MICU1: variants seen among roughly 807,000 people sequenced by gnomAD.
MICU1 encodes calcium uptake protein 1, mitochondrial.
In MICU1, 45 loss-of-function variants were observed where a neutral mutation model predicts 56.8. That is an observed-to-expected ratio of 0.79 (90% CI 0.62 to 1.02). The LOEUF (loss-of-function observed/expected upper bound fraction) is 1.02, where lower values mean the gene tolerates loss of function less well. Among genes scored for constraint, MICU1 ranks in the 50% least tolerant of loss-of-function variants. The pLI, the probability that MICU1 is intolerant of heterozygous loss-of-function variation, is 0.00. For synonymous variants in MICU1, 186 were observed against 195.1 expected, an observed-to-expected ratio of 0.95 and a Z score of 0.39; for missense variants, 504 against 587.1, an observed-to-expected ratio of 0.86 and a Z score of 1.46.
At chr10:72,382,462 T>C (rs905755132) in intron 10 of MICU1, among the ~76,000 whole-genome samples, 1 of 152,020 alleles carries the variant, frequency 6.6e-6, no homozygotes, top group Admixed American at 6.6e-5. Context: ...TGTATGGTAG[T>C]GAGTGATGTG....
intron 11 of MICU1, among the ~76,000 whole-genome samples, chr10:72,372,934 AAAG>A (rs1299720939): frequency 1.3e-5 from 2 of 151,936 alleles, no homozygotes; most frequent in Admixed American, 6.6e-5. Flanking sequence ...AAAAAAGAAA[AAAG>A]AAAAAGAAGC....
intron 1 of MICU1, among the ~76,000 whole-genome samples, chr10:72,617,246 T>C (rs1463197942): frequency 2.0e-5 from 3 of 152,152 alleles, no homozygotes; most frequent in Non-Finnish European, 4.4e-5. Flanking sequence ...TCCAAAAATA[T>C]GGACTTTTTT....
intron 3 of MICU1, among the ~76,000 whole-genome samples, chr10:72,552,110 C>T (rs1840049238): frequency 6.6e-6 from 1 of 152,142 alleles, no homozygotes; most frequent in African/African-American, 2.4e-5. Flanking sequence ...ATCATGGAAA[C>T]TCAATTATTA....
At chr10:72,526,476 A>G (rs1867966285) in intron 5 of MICU1, among the ~76,000 whole-genome samples, 1 of 151,880 alleles carries the variant, frequency 6.6e-6, no homozygotes, top group South Asian at 2.1e-4. Context: ...TTGTATCTTT[A>G]GTAGAGTTAG....
intron 5 of MICU1, chr10:72,533,039 T>G (rs939193351): frequency 5.4e-6 from 7 of 1,289,500 alleles, no homozygotes; most frequent in South Asian, 1.2e-5. Context: ...TCCTGTTCAT[T>G]GTGCTTTGTA....
intron 1 of MICU1, among the ~76,000 whole-genome samples, chr10:72,610,752 G>C (rs1485929377): frequency 6.6e-6 from 1 of 152,182 alleles, no homozygotes; most frequent in Non-Finnish European, 1.5e-5. Context: ...ATAACAAAAG[G>C]AAAAGAGCTT....
chr10:72,561,214 A>C (rs1371585144), intron 3 of MICU1, among the ~76,000 whole-genome samples: 1 of 152,246 alleles, frequency 6.6e-6, no homozygotes, highest in African/African-American at 2.4e-5. Flanking sequence ...TTTTCTATGA[A>C]GTATGAGATA....
At chr10:72,454,086 C>T (rs931156664) in intron 8 of MICU1, among the ~76,000 whole-genome samples, 1 of 152,060 alleles carries the variant, frequency 6.6e-6, no homozygotes, top group Admixed American at 6.5e-5. Context: ...TCTGCTGCTG[C>T]TTCCCAAAGT....
intron 2 of MICU1, among the ~76,000 whole-genome samples, chr10:72,565,708 T>C (rs1436139977): frequency 6.6e-6 from 1 of 151,328 alleles, no homozygotes; most frequent in Non-Finnish European, 1.5e-5. Context: ...TGCACACCTA[T>C]AATCCCAGCT....
chr10:72,588,074 C>CG (rs1841114100), intron 1 of MICU1, among the ~76,000 whole-genome samples: 1 of 152,018 alleles, frequency 6.6e-6, no homozygotes, highest in South Asian at 2.1e-4. Context: ...GACTGGATCA[C>CG]GGGGGGCAGA....
rs1166396713 is a variant in MICU1, at chr10:72,546,338, C to A, written c.493+4841G>T. Among the ~76,000 whole-genome samples, 3 of 152,238 alleles carry A rather than the reference C, an allele frequency of 2.0e-5. No individual in the cohort carries two copies. The East Asian group carries it at 5.8e-4, about 29-fold the overall frequency. On this transcript the variant is annotated intron_variant, in intron 4 of 11. Transcript: ENST00000361114. Reference sequence around the variant, plus strand: ...TAAAGCTTCCTCTGTACATAGTGAACTGTAACCTAACTGCGTATGTGTAAC... The same window carrying A: ...TAAAGCTTCCTCTGTACATAGTGAAATGTAACCTAACTGCGTATGTGTAAC...
intron 5 of MICU1, among the ~76,000 whole-genome samples, chr10:72,512,119 T>G (rs954494211): frequency 3.5e-5 from 5 of 142,684 alleles, no homozygotes; most frequent in Non-Finnish European, 7.5e-5. Flanking sequence ...TTTTTTTTTT[T>G]TTTTTTTTTT....
intron 4 of MICU1, among the ~76,000 whole-genome samples, chr10:72,535,117 C>A (rs927421423): frequency 6.6e-6 from 1 of 151,418 alleles, no homozygotes; most frequent in Admixed American, 6.6e-5. Flanking sequence ...GCAACCTCCA[C>A]CTCCTGGGTT....
At chr10:72,624,464 C>T (rs747553574) in intron 1 of MICU1, among the ~76,000 whole-genome samples, 1 of 152,192 alleles carries the variant, frequency 6.6e-6, no homozygotes, top group Non-Finnish European at 1.5e-5. Flanking sequence ...GGGCCTGAGA[C>T]ACCACACCCA....
intron 8 of MICU1, among the ~76,000 whole-genome samples, chr10:72,447,602 C>T (rs181089237): frequency 1.3e-5 from 2 of 152,098 alleles, no homozygotes; most frequent in Admixed American, 1.3e-4. Flanking sequence ...ATAGTTACTA[C>T]TTGAAGTTTT....
Position 72,508,200 on chromosome 10 carries a change from G to T in MICU1, c.607C>A (p.Leu203Ile). The T allele has an allele frequency of 6.4e-7, 1 of 1,550,648 alleles. No individual in the cohort carries two copies. The highest frequency in any genetic ancestry group is 1.7e-5 in the Admixed American group (1 of 58,538). The part of the protein sequence containing the change: ...SIFYTLGECG[L>I]ISFSDYIFLT... ...AAAATGTAGTCTGAAAAGGATATGA[G>T]CCCACATTCTCCAAGGGTGTAAAAT... Residue 203 changes from leucine to isoleucine, a missense_variant, in exon 6 of 12, where the codon CTC becomes ATC. Coordinates refer to ENST00000361114, the MANE Select transcript of MICU1 (RefSeq NM_001195518.2).
At chr10:72,523,708 GAA>G (rs1867889036) in intron 5 of MICU1, 1 of 836,878 alleles carries the variant, frequency 1.2e-6, no homozygotes, top group Non-Finnish European at 1.7e-6. Context: ...CCAGCCACCA[GAA>G]ATGTGAGAGT....
chr10:72,475,041 G>C (rs1866070078), intron 8 of MICU1, 59 bp downstream of exon 8: 3 of 1,448,444 alleles, frequency 2.1e-6, no homozygotes, highest in Non-Finnish European at 1.9e-6. Flanking sequence ...CTATAGTACA[G>C]GCCCTCCTGC....
intron 1 of MICU1, among the ~76,000 whole-genome samples, chr10:72,572,451 T>C (rs1252884359): frequency 6.6e-5 from 10 of 151,964 alleles, no homozygotes; most frequent in Non-Finnish European, 1.0e-4. Context: ...CATTTTTGAC[T>C]CCCAAATAAA....
Sources: gnomAD v4.1 joint callset for allele counts (sites outside exome capture counted in the v4.1 genomes callset) on GRCh38, gnomAD v4.1.1 for gene constraint, MANE v1.5 for transcripts, NCBI Gene and HGNC (gene_info 2026-07-23, HGNC 2026-07-21) for gene names.